CASP4: variants seen among roughly 807,000 people sequenced by gnomAD.
CASP4 encodes caspase 4, also known as caspase-4.
CASP4 carries 29 observed loss-of-function variants against 41.3 expected under a neutral mutation model. That is an observed-to-expected ratio of 0.70 (90% CI 0.52 to 0.96). CASP4 has a LOEUF of 0.96. CASP4 is among the 40% of genes least tolerant of loss of function. The pLI is 0.00. For synonymous variants in CASP4, 185 were observed against 158.4 expected, an observed-to-expected ratio of 1.17 and a Z score of -1.26; for missense variants, 447 against 460.6, an observed-to-expected ratio of 0.97 and a Z score of 0.27.
chr11:104,961,039 T>C (rs1483939069), intron 1 of CASP4, among the ~76,000 whole-genome samples: 1 of 152,204 alleles, frequency 6.6e-6, no homozygotes, highest in African/African-American at 2.4e-5. Flanking sequence ...CTGAGGAAAT[T>C]ACAACAATGA....
intron 1 of CASP4, among the ~76,000 whole-genome samples, chr11:104,962,975 A>G (rs916491091): frequency 1.1e-4 from 16 of 152,172 alleles, no homozygotes; most frequent in Admixed American, 9.8e-4. Flanking sequence ...GGAAATTCTA[A>G]ATCTTGTAAA....
rs145262923 is a variant in CASP4 at position 104,968,537 on chromosome 11, T to A, written c.-12A>T. ...GACTCACCTGCCATAGGGAACAGCC[T>A]CTGTCCTTTTTTACAGCGTTGGAAA... On this transcript the variant is annotated 5_prime_UTR_variant, in exon 1 of 9. Coordinates refer to ENST00000444739, the MANE Select transcript of CASP4 (RefSeq NM_001225.4). The A allele has an allele frequency of 8.4e-4, 1,357 of 1,613,108 alleles. 19 individuals are homozygous for A. In the African/African-American group the frequency reaches 0.016, roughly 20 times the overall value.
At position 104,955,217 on chromosome 11, in the gene CASP4, C is replaced by A. The variant is rs545779327; in HGVS notation, c.8-216G>T. On this transcript the variant is annotated intron_variant, in intron 1 of 8. Transcript: ENST00000444739. ...AATACTTTTTATTTTCTTTTTTGTTCTTTTTTCTTTTCTTTTCTTTTAGCT... is the reference window on the plus strand; with the variant it reads ...AATACTTTTTATTTTCTTTTTTGTTATTTTTTCTTTTCTTTTCTTTTAGCT... Among the ~76,000 whole-genome samples the A allele has an allele frequency of 2.0e-5, 3 of 151,920 alleles. No individual in the cohort carries two copies. In the South Asian group the frequency reaches 6.2e-4, roughly 32 times the overall value.
intron 5 of CASP4, 118 bp downstream of exon 5, chr11:104,949,425 C>G (rs1477033826): frequency 1.9e-6 from 2 of 1,077,224 alleles, no homozygotes; most frequent in Non-Finnish European, 2.8e-6. Context: ...CTTTAGAATT[C>G]AATGTACTTT....
Position 104,968,368 on chromosome 11 carries a change from G to C in CASP4, c.7+151C>G, listed in dbSNP as rs939840049. 8 of 694,972 alleles carry C rather than the reference G, an allele frequency of 1.2e-5. No homozygotes were observed. The African/African-American group carries it at 1.2e-4, about 11-fold the overall frequency. 43.1% of individuals were successfully genotyped at this position (694,972 alleles called of 1,614,324 possible). ...CCTCCGTCAATATCTCTAACACCAGGTCCCATGATTCAAACTACACACAAT... is the reference window on the plus strand; with the variant it reads ...CCTCCGTCAATATCTCTAACACCAGCTCCCATGATTCAAACTACACACAAT... On this transcript the variant is annotated intron_variant, in intron 1 of 8. Transcript: ENST00000444739.
Position 104,957,704 on chromosome 11 carries a change from T to A in CASP4, c.8-2703A>T, listed in dbSNP as rs546379766. 1.3e-5 allele frequency among the ~76,000 whole-genome samples: 2 copies of A among 152,226 alleles called. 1 individual carries two copies. The highest frequency in any genetic ancestry group is 4.1e-4 in the South Asian group (2 of 4,826). ...ATTACTATTATTAAAATGTCCCTAA[T>A]ACCCAAAGAAATCTAAAGATACAAT... On this transcript the variant is annotated intron_variant, in intron 1 of 8. Transcript: ENST00000444739.
chr11:104,944,696 A>T, intron 8 of CASP4, 52 bp downstream of exon 8: 1 of 1,170,350 alleles, frequency 8.5e-7, no homozygotes, highest in Non-Finnish European at 1.3e-6. Flanking sequence ...TTAACCACCA[A>T]TATCACTCTC....
At chr11:104,944,881 T>G in intron 7 of CASP4, 30 bp from the exon 8 acceptor site, 19 of 1,344,692 alleles carry the variant, frequency 1.4e-5, no homozygotes, top group Non-Finnish European at 1.8e-5. Flanking sequence ...GTAGATGAGA[T>G]ACGACTCTTT....
At chr11:104,950,703 C>T (rs1258470110) in intron 4 of CASP4, among the ~76,000 whole-genome samples, 2 of 151,872 alleles carry the variant, frequency 1.3e-5, no homozygotes, top group African/African-American at 4.8e-5. Flanking sequence ...TGTGAAAACA[C>T]GTGTCAATCA....
intron 3 of CASP4, chr11:104,951,449 T>C: frequency 3.9e-6 from 1 of 258,142 alleles, no homozygotes; most frequent in South Asian, 6.4e-5. Context: ...GTCTTTGCCT[T>C]CGGAAGCATA....
Position 104,947,358 on chromosome 11 carries a change from C to T in CASP4, c.926-166G>A, listed in dbSNP as rs141795804. 6.0e-5 allele frequency: 25 copies of T among 417,376 alleles called. No individual in the cohort carries two copies. In the East Asian group the frequency reaches 8.5e-4, roughly 14 times the overall value. 25.9% of individuals were successfully genotyped at this position (417,376 alleles called of 1,614,324 possible). The stretch of plus-strand genomic sequence containing the variant: ...TGACATTTACCTACTTTCCACAGAA[C>T]GTAAACAGAAAACCTAGCAAAAGGT... On this transcript the variant is annotated intron_variant, in intron 6 of 8. Transcript: ENST00000444739.
intron 1 of CASP4, among the ~76,000 whole-genome samples, chr11:104,963,665 A>C (rs1411839174): frequency 3.3e-5 from 5 of 152,222 alleles, no homozygotes; most frequent in Non-Finnish European, 7.3e-5. Context: ...GAAGATACGG[A>C]AACATCCCCA....
rs779184696 is a variant in CASP4 at position 104,949,729 on chromosome 11, A to G, written c.595T>C (p.Ser199Pro). 3 of 1,613,774 alleles carry G rather than the reference A, an allele frequency of 1.9e-6. No homozygotes were observed. Among genetic ancestry groups the G allele is most frequent in the Non-Finnish European group, 2.5e-6 (3 of 1,179,906 alleles). ...RAFATRPEHK[S>P]SDSTFLVLMS... ...AGTACCAAGAATGTGCTGTCAGAGG[A>G]CTTGTGCTCTGGTCTGGTAGCAAAT... is the stretch of plus-strand genomic sequence containing the variant. The change falls in exon 5 of 9, where the codon TCC becomes CCC. Residue 199 changes from serine to proline, a missense_variant. Physicochemically the swap from Ser to Pro is moderately conservative, Grantham distance 74. Transcript: ENST00000444739.
At chr11:104,955,147 A>G (rs995162275) in intron 1 of CASP4, 146 bp from the exon 2 acceptor site, 8 of 711,222 alleles carry the variant, frequency 1.1e-5, no homozygotes, top group Non-Finnish European at 1.8e-5. Context: ...GAGTTCTGTC[A>G]TTCATCATAT....
intron 3 of CASP4, chr11:104,951,677 C>T (rs138043197): frequency 4.6e-5 from 26 of 570,452 alleles, no homozygotes; most frequent in African/African-American, 4.1e-4. Context: ...ATAGAAATAC[C>T]AATTTTCTTT....
At chr11:104,955,450 T>TAA (rs1360071557) in intron 1 of CASP4, among the ~76,000 whole-genome samples, 5 of 152,160 alleles carry the variant, frequency 3.3e-5, no homozygotes, top group Non-Finnish European at 7.4e-5. Flanking sequence ...TTTCTGTATT[T>TAA]AGTTTTCTTG....
chr11:104,965,828 TA>T, intron 1 of CASP4, among the ~76,000 whole-genome samples: 1 of 152,174 alleles, frequency 6.6e-6, no homozygotes, highest in Non-Finnish European at 1.5e-5. Flanking sequence ...TATCACTTTA[TA>T]AAATCTAATA....
At chr11:104,944,627 A>G (rs1860408314) in intron 8 of CASP4, 121 bp downstream of exon 8, 4 of 644,612 alleles carry the variant, frequency 6.2e-6, no homozygotes, top group South Asian at 3.7e-5. Flanking sequence ...TCACCAGACT[A>G]TATCAACAAA....
chr11:104,949,390 T>C (rs1300668611), intron 5 of CASP4, 153 bp downstream of exon 5: 3 of 776,530 alleles, frequency 3.9e-6, no homozygotes, highest in Non-Finnish European at 6.2e-6. Context: ...AATTTCTTGT[T>C]ATACCAGACC....
Sources: gnomAD v4.1 joint callset for allele counts (sites outside exome capture counted in the v4.1 genomes callset) on GRCh38, gnomAD v4.1.1 for gene constraint, MANE v1.5 for transcripts, NCBI Gene and HGNC (gene_info 2026-07-23, HGNC 2026-07-21) for gene names.